Variants in FBXW10 observed in about 807,000 individuals in gnomAD.
FBXW10 encodes F-box/WD repeat-containing protein 10.
Under a neutral mutation model 113.1 loss-of-function variants are expected in FBXW10, and 68 were observed. That is an observed-to-expected ratio of 0.60 (90% CI 0.49 to 0.74). The LOEUF (loss-of-function observed/expected upper bound fraction) is 0.74, where lower values mean the gene tolerates loss of function less well. Ranked by LOEUF, FBXW10 falls within the 30% of genes least tolerant of loss-of-function variation. FBXW10 has a pLI of 0.00. For synonymous variants in FBXW10, 289 were observed against 481.6 expected, an observed-to-expected ratio of 0.60 and a Z score of 5.24; for missense variants, 753 against 1,284.5, an observed-to-expected ratio of 0.59 and a Z score of 6.32.
chr17:18,775,315 G>A (rs1049931928), intron 13 of FBXW10, 123 bp downstream of exon 13: 1 of 666,520 alleles, frequency 1.5e-6, no homozygotes. Context: ...CTGAATTAGT[G>A]GCAAGATCCA....
chr17:18,756,740 T>C (rs986415969), intron 6 of FBXW10, among the ~76,000 whole-genome samples: 4 of 152,122 alleles, frequency 2.6e-5, no homozygotes, highest in Admixed American at 2.6e-4. Flanking sequence ...TTCAATATGC[T>C]GAGAGACGAA....
chr17:18,749,374 TAAAA>T (rs10580273), intron 2 of FBXW10, among the ~76,000 whole-genome samples: 2 of 147,738 alleles, frequency 1.4e-5, no homozygotes. Context: ...CCGCCTCTAC[TAAAA>T]AAAAAAAAAA....
Position 18,749,501 on chromosome 17 carries a change from C to A in FBXW10, c.671-221C>A, listed in dbSNP as rs1189607849. ...GGCGGAGCTTGCAGTGAGCCGAGAT[C>A]GCGCCACTACACTCCAACCTGGGCG... On this transcript the variant is annotated intron_variant, in intron 2 of 13. Coordinates refer to ENST00000395665, the MANE Select transcript of FBXW10 (RefSeq NM_001267585.2). Among the ~76,000 whole-genome samples the A allele has an allele frequency of 5.3e-5, 8 of 151,990 alleles. No individual in the cohort carries two copies. In the East Asian group the frequency reaches 1.5e-3, roughly 29 times the overall value.
At chr17:18,757,892 T>C (rs1394878046) in intron 6 of FBXW10, among the ~76,000 whole-genome samples, 1 of 152,234 alleles carries the variant, frequency 6.6e-6, no homozygotes, top group Admixed American at 6.5e-5. Context: ...GCTCACTGGA[T>C]ATTGATTAAG....
intron 13 of FBXW10, among the ~76,000 whole-genome samples, chr17:18,775,436 G>A (rs1425755394): frequency 6.6e-6 from 1 of 152,196 alleles, no homozygotes; most frequent in African/African-American, 2.4e-5. Flanking sequence ...AGAGTGACTG[G>A]TTTTCCTTAA....
chr17:18,757,130 A>G (rs1359719036), intron 6 of FBXW10, among the ~76,000 whole-genome samples: 2 of 152,222 alleles, frequency 1.3e-5, no homozygotes, highest in Admixed American at 1.3e-4. Flanking sequence ...ATAAAAATAT[A>G]TGTATATACA....
chr17:18,768,728 G>A (rs757266140), intron 10 of FBXW10, 52 bp downstream of exon 10: 30 of 1,594,930 alleles, frequency 1.9e-5, no homozygotes, highest in Admixed American at 3.4e-5. Context: ...TCCCTTCCCC[G>A]TCATAGCCTA....
At chr17:18,776,383 T>C (rs1236829904) in intron 13 of FBXW10, among the ~76,000 whole-genome samples, 1 of 152,220 alleles carries the variant, frequency 6.6e-6, no homozygotes, top group African/African-American at 2.4e-5. Flanking sequence ...TGTTATTTTT[T>C]AAGGACATTG....
chr17:18,770,922 A>T (rs1473311793), intron 11 of FBXW10, among the ~76,000 whole-genome samples: 1 of 152,062 alleles, frequency 6.6e-6, no homozygotes, highest in Non-Finnish European at 1.5e-5. Flanking sequence ...GGGTGCTATT[A>T]TATGAAAATA....
intron 9 of FBXW10, among the ~76,000 whole-genome samples, chr17:18,768,026 T>TCTTCCTTTCTTCCTTCCTTCCTTC: frequency 7.4e-6 from 1 of 135,788 alleles, no homozygotes. Flanking sequence ...TTCCTTCCTT[T>TCTTCCTTTCTTCCTTCCTTCCTTC]CTTCCTTCCT....
At chr17:18,751,382 C>T (rs532382829) in intron 5 of FBXW10, among the ~76,000 whole-genome samples, 5 of 151,912 alleles carry the variant, frequency 3.3e-5, no homozygotes, top group South Asian at 2.1e-4. Flanking sequence ...CCCGCCACCA[C>T]GCCCGGCTAA....
intron 1 of FBXW10, among the ~76,000 whole-genome samples, chr17:18,746,744 C>G (rs1443095212): frequency 6.6e-6 from 1 of 152,130 alleles, no homozygotes; most frequent in Non-Finnish European, 1.5e-5. Flanking sequence ...AAACCAGGAT[C>G]CCCTCCTGGG....
At chr17:18,748,638 C>T (rs2035094764) in intron 2 of FBXW10, among the ~76,000 whole-genome samples, 1 of 151,766 alleles carries the variant, frequency 6.6e-6, no homozygotes, top group Non-Finnish European at 1.5e-5. Flanking sequence ...TCAATATGGC[C>T]CCCAAACCCA....
intron 12 of FBXW10, among the ~76,000 whole-genome samples, chr17:18,774,067 G>A (rs764119996): frequency 5.1e-5 from 7 of 136,692 alleles, no homozygotes; most frequent in Non-Finnish European, 1.2e-4. Flanking sequence ...CTGTAAAGAG[G>A]TGACAATTAC....
chr17:18,774,718 C>T (rs1449546913), intron 12 of FBXW10, among the ~76,000 whole-genome samples: 1 of 152,140 alleles, frequency 6.6e-6, no homozygotes, highest in Non-Finnish European at 1.5e-5. Flanking sequence ...TCACGTGAAC[C>T]CAGGAGGTGG....
In FBXW10 at chr17:18,744,250, A is replaced by C. The variant is rs769553087; in HGVS notation, c.6A>C (p.Glu2Asp). Reference sequence around the variant, plus strand: ...GGACTGGTTATCTTAGGATCATGGAAAACCTGGAATCAAGGCTCAAGAATG... The same window carrying C: ...GGACTGGTTATCTTAGGATCATGGACAACCTGGAATCAAGGCTCAAGAATG... M[E>D]NLESRLKNAP... The change falls in exon 1 of 14, where the codon GAA (glutamate) becomes GAC (aspartate). Residue 2 changes from glutamate (E) to aspartate (D), a missense_variant. Transcript: ENST00000395665. 1.5e-5 allele frequency: 23 copies of C among 1,554,698 alleles called. 1 individual carries two copies. Among genetic ancestry groups the C allele is most frequent in the East Asian group, 9.0e-5 (4 of 44,670 alleles).
intron 13 of FBXW10, among the ~76,000 whole-genome samples, chr17:18,777,630 G>A (rs1421413143): frequency 6.7e-6 from 1 of 150,370 alleles, no homozygotes; most frequent in Non-Finnish European, 1.5e-5. Flanking sequence ...TGCAAGCTCT[G>A]CCTCCTGGGT....
chr17:18,771,372 G>C (rs1349124172), intron 11 of FBXW10, among the ~76,000 whole-genome samples: 3 of 152,230 alleles, frequency 2.0e-5, no homozygotes, highest in Non-Finnish European at 4.4e-5. Context: ...GTTAAGGGAA[G>C]AGCACAGAAA....
In FBXW10 at chr17:18,775,192, G is replaced by T; in HGVS notation, c.2335G>T (p.Ala779Ser). ...AAAGTCAAAATCACCCCGAAGAGAT[G>T]GTAAGAAGAGAGTTTATTCTGTTCA... is the stretch of plus-strand genomic sequence containing the variant. ...QGKSKSPRRD[A>S]DDVEKAQKQG... Residue 779 changes from alanine to serine, a missense_variant and splice_region_variant, in exon 13 of 14, where the codon GCA becomes TCA. Ala to Ser is a moderately conservative substitution (Grantham distance 99). Transcript: ENST00000395665. The T allele has an allele frequency of 6.3e-7, 1 of 1,599,262 alleles. No homozygotes were observed. Among genetic ancestry groups the T allele is most frequent in the Non-Finnish European group, 8.6e-7 (1 of 1,166,450 alleles).
Sources: gnomAD v4.1 joint callset for allele counts (sites outside exome capture counted in the v4.1 genomes callset) on GRCh38, gnomAD v4.1.1 for gene constraint, MANE v1.5 for transcripts, NCBI Gene and HGNC (gene_info 2026-07-23, HGNC 2026-07-21) for gene names.